The following PIK3R1 variants were observed in gnomAD, a reference collection of about 807,000 sequenced individuals.
The protein encoded by PIK3R1 is phosphatidylinositol 3-kinase regulatory subunit alpha.
PIK3R1 carries 29 observed loss-of-function variants against 98.0 expected under a neutral mutation model. That is an observed-to-expected ratio of 0.30 (90% CI 0.22 to 0.40). PIK3R1 has a LOEUF of 0.40. PIK3R1 is among the 10% of genes least tolerant of loss of function. PIK3R1 has a pLI of 1.00. For synonymous variants in PIK3R1, 282 were observed against 311.8 expected (o/e 0.90, Z 1.01); for missense variants, 596 against 872.7 (o/e 0.68, Z 3.99).
intron 3 of PIK3R1, 165 bp downstream of exon 3, chr5:68,273,647 T>G: frequency 1.6e-6 from 1 of 641,104 alleles, no homozygotes; most frequent in Admixed American, 2.8e-5. Flanking sequence ...GGGAAAAATG[T>G]CTCAGTCTAT....
chr5:68,231,679 G>A lies in PIK3R1; in HGVS notation c.334+4670G>A, dbSNP rs1431014738. Among the ~76,000 whole-genome samples the A allele has an allele frequency of 4.6e-5, 7 of 152,196 alleles. No individual in the cohort carries two copies. The East Asian group carries it at 1.2e-3, about 25-fold the overall frequency. ...GTCATAACCTACGCTGTCTCCTTGAGGCAAATAGTGCTTGTGCAAGTAATT... is the reference window on the plus strand; with the variant it reads ...GTCATAACCTACGCTGTCTCCTTGAAGCAAATAGTGCTTGTGCAAGTAATT... On this transcript the variant is annotated intron_variant, in intron 2 of 15. Coordinates refer to ENST00000521381, the MANE Select transcript of PIK3R1 (RefSeq NM_181523.3).
chr5:68,216,448 G>A (rs1025924376), intron 1 of PIK3R1, among the ~76,000 whole-genome samples: 57 of 152,326 alleles, frequency 3.7e-4, no homozygotes, highest in African/African-American at 1.3e-3. Context: ...CCCTTCCCGG[G>A]GCGGGCGAGG....
At position 68,301,392 on chromosome 5, in the gene PIK3R1, GTATATATATATATATATATATATATA is replaced by G. The variant is rs70987200; in HGVS notation, c.*3807_*3832del. The G allele has an allele frequency of 8.8e-5, 4 of 45,306 alleles. No homozygotes were observed. The highest frequency in any genetic ancestry group is 3.3e-4 in the Admixed American group (1 of 3,008). The allele number at this position is 45,306 out of a possible 1,614,324, so 2.8% of individuals were successfully genotyped here. A position where few individuals can be genotyped will look rare whatever the true frequency, so the allele number is the denominator to read the frequency against. On this transcript the variant is annotated 3_prime_UTR_variant, in exon 16 of 16. Transcript: ENST00000521381. ...TGTGTGTGTGTGTGTGTGTGTGTGTGTATATATATATATATATATATATATATATATATATATATATGTGTGTGTAT... is the reference window on the plus strand; with the variant it reads ...TGTGTGTGTGTGTGTGTGTGTGTGTGTATATATATATATATGTGTGTGTAT...
At chr5:68,248,720 G>A (rs1745193344) in intron 2 of PIK3R1, among the ~76,000 whole-genome samples, 1 of 152,104 alleles carries the variant, frequency 6.6e-6, no homozygotes, top group African/African-American at 2.4e-5. Context: ...AAAGAAAGAG[G>A]TCATACAAGG....
chr5:68,289,314 A>C (rs13153101), intron 7 of PIK3R1, among the ~76,000 whole-genome samples: 35,121 of 152,072 alleles, frequency 0.23, 4,279 homozygotes, highest in South Asian at 0.26. Flanking sequence ...GAGGGTGGGA[A>C]GAGACAAGGT....
intron 1 of PIK3R1, among the ~76,000 whole-genome samples, chr5:68,222,645 G>A (rs2111944156): frequency 6.6e-6 from 1 of 152,316 alleles, no homozygotes; most frequent in Admixed American, 6.5e-5. Flanking sequence ...GGGTTTTGGA[G>A]TTGATGGAAC....
chr5:68,236,899 G>A (rs1267271612), intron 2 of PIK3R1, among the ~76,000 whole-genome samples: 1 of 152,198 alleles, frequency 6.6e-6, no homozygotes, highest in East Asian at 1.9e-4. Context: ...GACGGATAAG[G>A]CCATGAAGCT....
Position 68,226,512 on chromosome 5 carries a change from C to T in PIK3R1, c.-164C>T. On this transcript the variant is annotated 5_prime_UTR_variant, in exon 2 of 16. Transcript: ENST00000521381. ...GAGGACAGATGGACAGCCGTATGGCCAGTCACCTCTCCTCTTAAACCTTTG... is the reference window on the plus strand; with the variant it reads ...GAGGACAGATGGACAGCCGTATGGCTAGTCACCTCTCCTCTTAAACCTTTG... 1 of 602,178 alleles carries T rather than the reference C, an allele frequency of 1.7e-6. No individual in the cohort carries two copies. Among genetic ancestry groups the T allele is most frequent in the South Asian group, 2.2e-5 (1 of 45,294 alleles). The allele number at this position is 602,178 out of a possible 1,614,324, so 37.3% of individuals were successfully genotyped here.
intron 2 of PIK3R1, among the ~76,000 whole-genome samples, chr5:68,262,578 T>C (rs558890733): frequency 1.4e-5 from 2 of 141,294 alleles, no homozygotes; most frequent in South Asian, 4.6e-4. Context: ...TGTACCTACA[T>C]GTATACACAT....
chr5:68,240,664 T>G (rs900580124), intron 2 of PIK3R1, among the ~76,000 whole-genome samples: 1 of 152,220 alleles, frequency 6.6e-6, no homozygotes, highest in African/African-American at 2.4e-5. Flanking sequence ...ACTGTAACTG[T>G]TTTTTATCCC....
intron 2 of PIK3R1, among the ~76,000 whole-genome samples, chr5:68,266,959 T>C (rs1746145607): frequency 6.6e-6 from 1 of 152,210 alleles, no homozygotes; most frequent in African/African-American, 2.4e-5. Context: ...GATTTGTCTT[T>C]TTTCTTTTTG....
At chr5:68,275,418 AG>A (rs1405999345) in intron 4 of PIK3R1, among the ~76,000 whole-genome samples, 1 of 152,168 alleles carries the variant, frequency 6.6e-6, no homozygotes, top group Non-Finnish European at 1.5e-5. Flanking sequence ...GTTTAGTCAC[AG>A]GAAGAGTTTA....
chr5:68,233,806 T>A (rs1411888434), intron 2 of PIK3R1, among the ~76,000 whole-genome samples: 1 of 152,244 alleles, frequency 6.6e-6, no homozygotes, highest in Non-Finnish European at 1.5e-5. Context: ...TTTAATTATG[T>A]ATGCAGAACT....
chr5:68,251,869 G>A lies in PIK3R1; in HGVS notation c.335-21521G>A, dbSNP rs985338761. ...GGGCTCAGATCAGGAGTTGTGTAGG[G>A]CCCTCACCCGGTTGGGGGTGGTGGA... is the stretch of plus-strand genomic sequence containing the variant. On this transcript the variant is annotated intron_variant, in intron 2 of 15. Transcript: ENST00000521381. Among the ~76,000 whole-genome samples the A allele has an allele frequency of 2.0e-5, 3 of 152,110 alleles. No individual in the cohort carries two copies. In the South Asian group the frequency reaches 6.2e-4, roughly 32 times the overall value.
At position 68,295,452 on chromosome 5, in the gene PIK3R1, A is replaced by C. The variant is rs1218229603; in HGVS notation, c.1778A>C (p.Lys593Thr). 2 of 1,614,204 alleles carry C rather than the reference A, an allele frequency of 1.2e-6. No individual in the cohort carries two copies. Among genetic ancestry groups the C allele is most frequent in the East Asian group, 2.2e-5 (1 of 44,870 alleles). ...ACTCAAAAAGGTGTTCGGCAAAAGA[A>C]GTTGAACGAGTGGTTGGGCAATGAA... Reference protein sequence around the residue: ...WLTQKGVRQKKLNEWLGNENT... With the variant: ...WLTQKGVRQKTLNEWLGNENT... Residue 593 changes from lysine (K) to threonine (T), a missense_variant, in exon 14 of 16, where the codon AAG (lysine) becomes ACG (threonine). Transcript: ENST00000521381.
At chr5:68,265,804 T>G (rs978529040) in intron 2 of PIK3R1, among the ~76,000 whole-genome samples, 1 of 152,234 alleles carries the variant, frequency 6.6e-6, no homozygotes, top group African/African-American at 2.4e-5. Flanking sequence ...ATGAAAATGT[T>G]AATCGTAGAA....
chr5:68,231,942 A>G (rs934990563), intron 2 of PIK3R1, among the ~76,000 whole-genome samples: 3 of 152,202 alleles, frequency 2.0e-5, no homozygotes, highest in Non-Finnish European at 4.4e-5. Context: ...ATCTTAGAAG[A>G]TAAGGGCCTT....
intron 1 of PIK3R1, among the ~76,000 whole-genome samples, chr5:68,223,123 AATCATCATCATCATCATCATCATC>A (rs60144880): frequency 2.0e-5 from 3 of 147,918 alleles, no homozygotes; most frequent in Admixed American, 6.7e-5. Flanking sequence ...GTACAAACTC[AATCATCATCATCATCATCATCATC>A]ATCATCATCA....
intron 2 of PIK3R1, among the ~76,000 whole-genome samples, chr5:68,251,675 A>G (rs1218971349): frequency 6.6e-6 from 1 of 152,154 alleles, no homozygotes; most frequent in Non-Finnish European, 1.5e-5. Context: ...AGCTTTTTTT[A>G]TGGACAGAAC....
Sources: gnomAD v4.1 joint callset for allele counts (sites outside exome capture counted in the v4.1 genomes callset) on GRCh38, gnomAD v4.1.1 for gene constraint, MANE v1.5 for transcripts, NCBI Gene and HGNC (gene_info 2026-07-23, HGNC 2026-07-21) for gene names.